SLC22A23: variants seen among roughly 807,000 people sequenced by gnomAD.
SLC22A23 encodes the protein ion transporter protein.
In SLC22A23, 26 loss-of-function variants were observed where a neutral mutation model predicts 61.0. The ratio of observed to expected loss-of-function variants is 0.43; its 90% CI spans 0.31 to 0.59. The LOEUF (loss-of-function observed/expected upper bound fraction) is 0.59. SLC22A23 is among the 20% of genes least tolerant of loss of function. The pLI is 0.11. For missense variants in SLC22A23, 796 were observed against 934.7 expected (o/e 0.85, Z 1.94); for synonymous variants, 430 against 413.9 (o/e 1.04, Z -0.47).
intron 9 of SLC22A23, among the ~76,000 whole-genome samples, chr6:3,274,364 G>A (rs1268383325): frequency 1.3e-5 from 2 of 152,312 alleles, no homozygotes; most frequent in Admixed American, 1.3e-4. Flanking sequence ...ATTGAAGGAG[G>A]TAGGCAGAGG....
intron 3 of SLC22A23, among the ~76,000 whole-genome samples, chr6:3,399,432 A>G (rs1178204516): frequency 6.6e-6 from 1 of 152,200 alleles, no homozygotes; most frequent in Non-Finnish European, 1.5e-5. Context: ...GCAGCCATTC[A>G]TGTCCATCCT....
chr6:3,289,613 T>G (rs1581619779), intron 6 of SLC22A23, 151 bp downstream of exon 6: 2 of 632,994 alleles, frequency 3.2e-6, no homozygotes, highest in South Asian at 2.1e-5. Context: ...GCGGGGGAGG[T>G]CAATATCTTC....
chr6:3,448,127 T>C (rs1771999257), intron 1 of SLC22A23, among the ~76,000 whole-genome samples: 1 of 151,878 alleles, frequency 6.6e-6, no homozygotes, highest in Admixed American at 6.5e-5. Context: ...GGTCTTGAAC[T>C]CCTGACCTCA....
At chr6:3,434,877 A>ACG (rs1419469332) in intron 1 of SLC22A23, among the ~76,000 whole-genome samples, 2 of 152,190 alleles carry the variant, frequency 1.3e-5, no homozygotes, top group African/African-American at 4.8e-5. Context: ...AGAGATGTGA[A>ACG]AGTTTCCCAC....
intron 4 of SLC22A23, among the ~76,000 whole-genome samples, chr6:3,311,055 C>A (rs1762342355): frequency 6.6e-6 from 1 of 152,206 alleles, no homozygotes; most frequent in African/African-American, 2.4e-5. Flanking sequence ...CACTGGGCAC[C>A]ATCCACCTGC....
chr6:3,382,002 G>C (rs1016291473), intron 3 of SLC22A23, among the ~76,000 whole-genome samples: 5 of 152,206 alleles, frequency 3.3e-5, no homozygotes, highest in African/African-American at 1.2e-4. Flanking sequence ...CTGATGTCAC[G>C]ATGACAAGGG....
At chr6:3,373,019 G>C (rs1216908053) in intron 3 of SLC22A23, among the ~76,000 whole-genome samples, 3 of 152,158 alleles carry the variant, frequency 2.0e-5, no homozygotes, top group Non-Finnish European at 4.4e-5. Context: ...GCTGGTTCTT[G>C]GCTGGCATCT....
At position 3,278,367 on chromosome 6, in the gene SLC22A23, C is replaced by T. The variant is rs550543019; in HGVS notation, c.1704-4955G>A. 2.1e-3 allele frequency among the ~76,000 whole-genome samples: 313 copies of T among 151,122 alleles called. 2 individuals carry two copies. The highest frequency in any genetic ancestry group is 7.5e-3 in the African/African-American group (306 of 40,556). ...ACCACTGTGCTTCTGGGCCTGAAGA[C>T]GATATGGATGAGGAAGAGCAAGAAT... On this transcript the variant is annotated intron_variant, in intron 9 of 9. Coordinates refer to ENST00000406686, the MANE Select transcript of SLC22A23 (RefSeq NM_015482.2).
At position 3,271,297 on chromosome 6, in the gene SLC22A23, G is replaced by GGGTATCTCA. The variant is rs1758460118; in HGVS notation, c.*1749_*1757dup. ...GGCTGGCCAGACAGCCTCCCTTCCT[G>GGGTATCTCA]GGTATCTCAAGATCCCAGGTGTCGG... is the stretch of plus-strand genomic sequence containing the variant. On this transcript the variant is annotated 3_prime_UTR_variant, in exon 10 of 10. Transcript: ENST00000406686. 2 of 152,294 alleles carry GGGTATCTCA rather than the reference G, an allele frequency of 1.3e-5. No homozygotes were observed. Among genetic ancestry groups the GGGTATCTCA allele is most frequent in the African/African-American group, 4.8e-5 (2 of 41,450 alleles). The allele number at this position is 152,294 out of a possible 1,614,324, so 9.4% of individuals were successfully genotyped here. A position where few individuals can be genotyped will look rare whatever the true frequency, so the allele number is the denominator to read the frequency against.
At chr6:3,293,496 A>AGCC (rs1371353197) in intron 5 of SLC22A23, among the ~76,000 whole-genome samples, 11 of 151,750 alleles carry the variant, frequency 7.2e-5, no homozygotes, top group Admixed American at 5.3e-4. Context: ...CGTCCACAGG[A>AGCC]GTCTTATCAC....
At chr6:3,285,181 A>G (rs1759870552) in intron 7 of SLC22A23, 70 bp from the exon 8 acceptor site, 3 of 1,594,856 alleles carry the variant, frequency 1.9e-6, no homozygotes, top group African/African-American at 1.3e-5. Context: ...AAGAGAGCAC[A>G]TTAGGTGTGG....
chr6:3,307,027 C>T (rs1018176894), intron 4 of SLC22A23, among the ~76,000 whole-genome samples: 8 of 152,246 alleles, frequency 5.3e-5, no homozygotes, highest in African/African-American at 1.9e-4. Context: ...ACAAGGATTC[C>T]TCCTCTAGGG....
At chr6:3,439,283 G>A (rs1301112884) in intron 1 of SLC22A23, 1 of 446,656 alleles carries the variant, frequency 2.2e-6, no homozygotes, top group East Asian at 7.0e-5. Context: ...TGTTCTCTGG[G>A]AGCAAAATCA....
chr6:3,401,188 A>G (rs1453687838), intron 3 of SLC22A23, among the ~76,000 whole-genome samples: 2 of 152,186 alleles, frequency 1.3e-5, no homozygotes, highest in Non-Finnish European at 2.9e-5. Flanking sequence ...CTAAAAATAC[A>G]AAAATTAGCC....
intron 9 of SLC22A23, among the ~76,000 whole-genome samples, chr6:3,280,490 C>CTTTTTTT (rs1163139930): frequency 5.2e-5 from 3 of 57,284 alleles, no homozygotes; most frequent in African/African-American, 1.1e-4. Context: ...TAAGACACAA[C>CTTTTTTT]TTTTTTTTTT....
intron 1 of SLC22A23, among the ~76,000 whole-genome samples, chr6:3,430,944 T>A (rs1561977224): frequency 6.6e-6 from 1 of 151,786 alleles, no homozygotes; most frequent in Non-Finnish European, 1.5e-5. Context: ...CACGCACCTG[T>A]AATCCCAGCT....
At chr6:3,303,730 G>T (rs568874665) in intron 4 of SLC22A23, among the ~76,000 whole-genome samples, 1 of 152,164 alleles carries the variant, frequency 6.6e-6, no homozygotes, top group Non-Finnish European at 1.5e-5. Context: ...GGGAGAGATT[G>T]ATTAAAGGAT....
Position 3,412,265 on chromosome 6 carries a change from T to G in SLC22A23, c.759-1923A>C, listed in dbSNP as rs374077101. ...GGTGGCTAAAATCAACAAGTAAAAC[T>G]TATCAAGGTCTACAGGGCAAACACT... On this transcript the variant is annotated intron_variant, in intron 2 of 9. Coordinates refer to ENST00000406686, the MANE Select transcript of SLC22A23 (RefSeq NM_015482.2). Among the ~76,000 whole-genome samples, 121 of 152,298 alleles carry G rather than the reference T, an allele frequency of 7.9e-4. 3 individuals carry two copies. The highest frequency in any genetic ancestry group is 2.9e-3 in the African/African-American group (119 of 41,552).
chr6:3,289,285 G>T lies in SLC22A23; in HGVS notation c.1313+479C>A, dbSNP rs546857490. 5.3e-5 allele frequency among the ~76,000 whole-genome samples: 8 copies of T among 152,362 alleles called. No homozygotes were observed. In the East Asian group the frequency reaches 7.7e-4, roughly 15 times the overall value. On this transcript the variant is annotated intron_variant, in intron 6 of 9. Transcript: ENST00000406686. ...GGGCCGGTGAGGGCCCTGGGAGGAGGTCTGCGCTCACTGGCCTGGCTCAGG... is the reference window on the plus strand; with the variant it reads ...GGGCCGGTGAGGGCCCTGGGAGGAGTTCTGCGCTCACTGGCCTGGCTCAGG...
Sources: allele counts gnomAD v4.1 joint callset (sites outside exome capture counted in the v4.1 genomes callset), GRCh38; gene constraint gnomAD v4.1.1; transcripts MANE v1.5; gene names NCBI Gene and HGNC (gene_info 2026-07-23, HGNC 2026-07-21).